ZNF718: variants seen among roughly 807,000 people sequenced by gnomAD.
ZNF718 encodes zinc finger protein 718.
A neutral mutation model predicts 2.6 loss-of-function variants in ZNF718; 3 were observed. That is an observed-to-expected ratio of 1.16 (90% CI 0.53 to 3.01). The LOEUF is 3.01. Among genes scored for constraint, ZNF718 ranks in the 30% most tolerant of loss-of-function variants. The pLI is 0.03. For synonymous variants in ZNF718, 135 were observed against 77.9 expected (o/e 1.73, Z -3.86); for missense variants, 468 against 230.0 (o/e 2.03, Z -6.69).
intron 3 of ZNF718, among the ~76,000 whole-genome samples, chr4:191,239 C>T (rs893368298): frequency 6.8e-6 from 1 of 147,426 alleles, no homozygotes; most frequent in African/African-American, 2.5e-5. Context: ...ACCTCCGCTT[C>T]CGGGGTTCAA....
At chr4:140,154 A>G (rs1354639217) in intron 3 of ZNF718, among the ~76,000 whole-genome samples, 3 of 152,132 alleles carry the variant, frequency 2.0e-5, no homozygotes, top group African/African-American at 4.8e-5. Context: ...TGGCTACGGA[A>G]CAAAAAGGCC....
At chr4:173,131 G>C (rs1717273881) in intron 3 of ZNF718, among the ~76,000 whole-genome samples, 1 of 152,064 alleles carries the variant, frequency 6.6e-6, no homozygotes, top group South Asian at 2.1e-4. Context: ...TCTAGAAATT[G>C]CCCTTTGGTA....
At chr4:178,858 T>TA (rs1717400341) in intron 3 of ZNF718, among the ~76,000 whole-genome samples, 1 of 152,222 alleles carries the variant, frequency 6.6e-6, no homozygotes, top group Non-Finnish European at 1.5e-5. Context: ...TGTACTCCAC[T>TA]AAGCGTTTCC....
intron 3 of ZNF718, among the ~76,000 whole-genome samples, chr4:189,056 A>ATT (rs200846758): frequency 2.2e-4 from 30 of 139,028 alleles, no homozygotes; most frequent in South Asian, 1.6e-3. Context: ...GAATCTGTAG[A>ATT]TTATTTTTTT....
chr4:184,822 A>G (rs575395046), intron 3 of ZNF718, among the ~76,000 whole-genome samples: 1 of 152,066 alleles, frequency 6.6e-6, no homozygotes, highest in East Asian at 1.9e-4. Flanking sequence ...ATATTCTCTG[A>G]TTGTTGTTTG....
At chr4:183,351 T>G (rs1468061234) in intron 3 of ZNF718, among the ~76,000 whole-genome samples, 1 of 152,182 alleles carries the variant, frequency 6.6e-6, no homozygotes, top group Non-Finnish European at 1.5e-5. Flanking sequence ...TCTGTTCCAT[T>G]GGTCTATCTG....
intron 3 of ZNF718, among the ~76,000 whole-genome samples, chr4:190,638 G>C (rs1243226279): frequency 6.6e-6 from 1 of 152,116 alleles, no homozygotes; most frequent in Non-Finnish European, 1.5e-5. Context: ...GAGAAGATTA[G>C]GGAACCTAGA....
chr4:182,156 T>TCC (rs1717480100), intron 3 of ZNF718, among the ~76,000 whole-genome samples: 1 of 152,128 alleles, frequency 6.6e-6, no homozygotes, highest in African/African-American at 2.4e-5. Context: ...AATGAAACAA[T>TCC]TTATAATCCT....
At chr4:141,486 A>G (rs1319470485) in intron 3 of ZNF718, among the ~76,000 whole-genome samples, 1 of 152,192 alleles carries the variant, frequency 6.6e-6, no homozygotes, top group Non-Finnish European at 1.5e-5. Context: ...GATATAATGT[A>G]AAGCCAAATT....
At chr4:136,839 A>G (rs4565026) in intron 3 of ZNF718, among the ~76,000 whole-genome samples, 21,307 of 152,180 alleles carry the variant, frequency 0.14, 1,955 homozygotes, top group Admixed American at 0.24. Flanking sequence ...TCATTCATCT[A>G]TTGAAGGGTG....
At chr4:193,613 G>A (rs782291376) in intron 3 of ZNF718, among the ~76,000 whole-genome samples, 4 of 152,136 alleles carry the variant, frequency 2.6e-5, no homozygotes, top group Non-Finnish European at 5.9e-5. Flanking sequence ...TCTAGTGACT[G>A]TCTGTCCTAG....
chr4:191,527 C>T (rs1717693621), intron 3 of ZNF718, among the ~76,000 whole-genome samples: 1 of 151,984 alleles, frequency 6.6e-6, no homozygotes, highest in African/African-American at 2.4e-5. Context: ...AGCCACCTAA[C>T]ATCAAAGAGG....
At chr4:192,234 T>C (rs1467173088) in intron 3 of ZNF718, among the ~76,000 whole-genome samples, 4 of 152,026 alleles carry the variant, frequency 2.6e-5, no homozygotes, top group Non-Finnish European at 5.9e-5. Flanking sequence ...GCAAATTTAA[T>C]AGAGTGAAAA....
chr4:171,214 C>T (rs937625652), intron 3 of ZNF718, among the ~76,000 whole-genome samples: 1 of 152,094 alleles, frequency 6.6e-6, no homozygotes, highest in East Asian at 1.9e-4. Context: ...GAAGTTTTGT[C>T]TCGGAGTACC....
At position 184,994 on chromosome 4, in the gene ZNF718, A is replaced by ATTATG. The variant is rs1408139924; in HGVS notation, c.227-16084_227-16080dup. On this transcript the variant is annotated intron_variant and NMD_transcript_variant, in intron 3 of 4. Coordinates refer to the ZNF718 transcript ENST00000642529. ...TTTTGAAGGGTTTTTTTGTGTCTCTATTATGTTCTGTTCAGCTCTGATCTT... is the reference window on the plus strand; with the variant it reads ...TTTTGAAGGGTTTTTTTGTGTCTCTATTATGTTATGTTCTGTTCAGCTCTGATCTT... 2.0e-5 allele frequency among the ~76,000 whole-genome samples: 3 copies of ATTATG among 151,946 alleles called. No individual in the cohort carries two copies. The East Asian group carries it at 5.8e-4, about 29-fold the overall frequency.
chr4:137,355 G>A (rs1438807675), intron 3 of ZNF718, among the ~76,000 whole-genome samples: 1 of 152,082 alleles, frequency 6.6e-6, no homozygotes, highest in East Asian at 1.9e-4. Flanking sequence ...GATATACTTT[G>A]CATATTTTGA....
chr4:154,321 A>C (rs1368641622), intron 3 of ZNF718, among the ~76,000 whole-genome samples: 2 of 152,186 alleles, frequency 1.3e-5, no homozygotes, highest in Non-Finnish European at 2.9e-5. Flanking sequence ...ACTGCACCTG[A>C]AAATGTGGAA....
intron 3 of ZNF718, among the ~76,000 whole-genome samples, chr4:176,343 C>T (rs1553819084): frequency 6.6e-6 from 1 of 152,114 alleles, no homozygotes; most frequent in Non-Finnish European, 1.5e-5. Flanking sequence ...ATTTCTAACC[C>T]AAGCTAAAGA....
intron 3 of ZNF718, among the ~76,000 whole-genome samples, chr4:185,921 G>A (rs541569722): frequency 2.6e-5 from 4 of 152,094 alleles, no homozygotes; most frequent in East Asian, 3.9e-4. Context: ...TGAAGACAGC[G>A]TACCAATGGT....
Sources: gnomAD v4.1 joint callset for allele counts (sites outside exome capture counted in the v4.1 genomes callset) on GRCh38, gnomAD v4.1.1 for gene constraint, MANE v1.5 for transcripts, NCBI Gene and HGNC (gene_info 2026-07-23, HGNC 2026-07-21) for gene names.